Variants in ACTR3C observed in about 807,000 individuals in gnomAD.
The protein encoded by ACTR3C is actin related protein 3C, also known as actin-related protein 3C.
ACTR3C carries 18 observed loss-of-function variants against 26.3 expected under a neutral mutation model. The observed-to-expected ratio is 0.68, with a 90% confidence interval of 0.47 to 1.01. The LOEUF (loss-of-function observed/expected upper bound fraction) is 1.01, where lower values mean the gene tolerates loss of function less well. Ranked by LOEUF, ACTR3C falls within the 50% of genes least tolerant of loss-of-function variation. The pLI is 0.00. For missense variants in ACTR3C, 184 were observed against 250.7 expected (o/e 0.73, Z 1.80); for synonymous variants, 55 against 94.5 (o/e 0.58, Z 2.42).
the ACTR3C span, among the ~76,000 whole-genome samples, chr7:150,170,345 T>A: frequency 6.6e-6 from 1 of 150,994 alleles, no homozygotes; most frequent in East Asian, 1.9e-4. Flanking sequence ...AACTCTGCCA[T>A]GTTCTCTCTG....
chr7:149,925,828 G>A, the ACTR3C span, among the ~76,000 whole-genome samples: 3 of 152,196 alleles, frequency 2.0e-5, no homozygotes, highest in East Asian at 3.9e-4. Context: ...TTGGGAGGCC[G>A]AGGCAGGTGG....
At chr7:150,152,090 G>C in the ACTR3C span, among the ~76,000 whole-genome samples, 4 of 151,554 alleles carry the variant, frequency 2.6e-5, no homozygotes, top group African/African-American at 9.7e-5. Context: ...TGCAAACAGG[G>C]ACAATTTGAC....
the ACTR3C span, among the ~76,000 whole-genome samples, chr7:149,908,715 T>C: frequency 0.43 from 65,135 of 151,956 alleles, 14,618 homozygotes; most frequent in East Asian, 0.69. Context: ...TCTTGATTAA[T>C]ACATCCTACT....
chr7:150,119,845 C>T, the ACTR3C span, among the ~76,000 whole-genome samples: 1 of 152,160 alleles, frequency 6.6e-6, no homozygotes, highest in African/African-American at 2.4e-5. Flanking sequence ...TAAAACACTC[C>T]TCAGCAAATG....
the ACTR3C span, among the ~76,000 whole-genome samples, chr7:149,911,660 T>C: frequency 7.1e-6 from 1 of 141,506 alleles, no homozygotes; most frequent in South Asian, 2.3e-4. Context: ...CTATGTGTAA[T>C]GGGTTTCAGA....
At chr7:149,948,391 C>T in the ACTR3C span, among the ~76,000 whole-genome samples, 1 of 146,186 alleles carries the variant, frequency 6.8e-6, no homozygotes, top group African/African-American at 2.7e-5. Flanking sequence ...GCCTGCTCAC[C>T]TCATCGCTCC....
the ACTR3C span, among the ~76,000 whole-genome samples, chr7:150,063,442 CTCTTT>C: frequency 6.6e-6 from 1 of 151,300 alleles, no homozygotes; most frequent in African/African-American, 2.5e-5. Flanking sequence ...ACCAACTGAA[CTCTTT>C]TCTCCCATGT....
the ACTR3C span, among the ~76,000 whole-genome samples, chr7:150,037,947 G>C: frequency 1.0e-4 from 14 of 138,380 alleles, 4 homozygotes; most frequent in African/African-American, 3.8e-4. Context: ...CTGCGATGGC[G>C]GTGCAAAGAG....
the ACTR3C span, among the ~76,000 whole-genome samples, chr7:150,189,400 T>C: frequency 6.6e-6 from 1 of 152,176 alleles, no homozygotes; most frequent in African/African-American, 2.4e-5. Context: ...ATCTTGTGTG[T>C]GCACGTTAAG....
the ACTR3C span, among the ~76,000 whole-genome samples, chr7:150,084,568 G>C: frequency 6.6e-6 from 1 of 152,172 alleles, no homozygotes; most frequent in Non-Finnish European, 1.5e-5. Flanking sequence ...GAGAGCCTTC[G>C]GGGCAGAGGA....
the ACTR3C span, among the ~76,000 whole-genome samples, chr7:150,100,206 C>T: frequency 2.6e-5 from 4 of 151,524 alleles, no homozygotes; most frequent in Non-Finnish European, 2.9e-5. Context: ...CATAAGCATC[C>T]CTCAGTGTGG....
the ACTR3C span, among the ~76,000 whole-genome samples, chr7:150,012,419 A>G: frequency 5.3e-5 from 8 of 150,718 alleles, no homozygotes; most frequent in Admixed American, 5.3e-4. Context: ...GGTTCACGCC[A>G]TTCTCCTGCC....
At chr7:150,033,144 G>A in the ACTR3C span, among the ~76,000 whole-genome samples, 2,100 of 152,228 alleles carry the variant, frequency 0.014, 24 homozygotes, top group Middle Eastern at 0.031. Context: ...GGGGTACAGG[G>A]TAGATGAGTG....
downstream of ACTR3C, among the ~76,000 whole-genome samples, chr7:150,242,398 CA>C (rs1013488655): frequency 4.7e-5 from 7 of 150,526 alleles, no homozygotes; most frequent in African/African-American, 1.8e-4. Flanking sequence ...AGACTGTCTG[CA>C]AAGGGGCACA....
the ACTR3C span, among the ~76,000 whole-genome samples, chr7:150,180,327 A>T: frequency 8.1e-6 from 1 of 123,848 alleles, no homozygotes; most frequent in Non-Finnish European, 1.8e-5. Context: ...CAAAAACAAA[A>T]AAAAGGAAAT....
intron 6 of ACTR3C, among the ~76,000 whole-genome samples, chr7:150,257,359 G>A (rs1833294324): frequency 3.9e-5 from 6 of 152,168 alleles, no homozygotes; most frequent in Admixed American, 3.9e-4. Flanking sequence ...CAGAGCTCCA[G>A]GGACATATGA....
At chr7:150,160,211 C>T in the ACTR3C span, among the ~76,000 whole-genome samples, 2 of 152,126 alleles carry the variant, frequency 1.3e-5, no homozygotes, top group East Asian at 1.9e-4. Context: ...TTCTGCAATT[C>T]GATAAAGAGT....
intron 1 of ACTR3C, among the ~76,000 whole-genome samples, chr7:150,308,182 C>A (rs1433368835): frequency 1.3e-5 from 2 of 152,126 alleles, no homozygotes. Flanking sequence ...GCAAGTACCA[C>A]CCCCCTCTCT....
chr7:150,042,415 G>A, the ACTR3C span, among the ~76,000 whole-genome samples: 996 of 140,920 alleles, frequency 7.1e-3, 8 homozygotes, highest in Non-Finnish European at 0.011. Flanking sequence ...CAGTCCCCGC[G>A]TCGCGAGGGG....
Sources: gnomAD v4.1 joint callset for allele counts (sites outside exome capture counted in the v4.1 genomes callset) on GRCh38, gnomAD v4.1.1 for gene constraint, MANE v1.5 for transcripts, NCBI Gene and HGNC (gene_info 2026-07-23, HGNC 2026-07-21) for gene names.